The following PRKDC variants were observed in gnomAD, a reference collection of about 807,000 sequenced individuals.
The protein encoded by PRKDC is protein kinase, DNA-activated, catalytic subunit.
In PRKDC, 82 loss-of-function variants were observed where a neutral mutation model predicts 486.9. The ratio of observed to expected loss-of-function variants is 0.17; its 90% confidence interval spans 0.14 to 0.20. The LOEUF (loss-of-function observed/expected upper bound fraction) is 0.20, where lower values mean the gene tolerates loss of function less well. PRKDC is among the 10% of genes least tolerant of loss of function. The probability of loss-of-function intolerance (pLI) is 1.00; values close to 1 mark genes in which losing one functional copy is unlikely to be tolerated. For missense variants in PRKDC, 4,504 were observed against 5,038.2 expected (o/e 0.89, Z 3.21); for synonymous variants, 1,895 against 1,837.0 (o/e 1.03, Z -0.81).
At chr8:47,807,664 C>A (rs936529801) in intron 68 of PRKDC, among the ~76,000 whole-genome samples, 1 of 149,492 alleles carries the variant, frequency 6.7e-6, no homozygotes, top group African/African-American at 2.5e-5. Context: ...GTTATCTGGC[C>A]ACCTTGGCCT....
intron 22 of PRKDC, among the ~76,000 whole-genome samples, chr8:47,916,381 G>A (rs911476327): frequency 6.6e-6 from 1 of 152,026 alleles, no homozygotes; most frequent in Non-Finnish European, 1.5e-5. Context: ...CCAGGAGGTG[G>A]AGGTTGCAGT....
chr8:47,936,728 C>T (rs556261216), intron 11 of PRKDC, among the ~76,000 whole-genome samples: 8 of 151,614 alleles, frequency 5.3e-5, no homozygotes, highest in Non-Finnish European at 8.8e-5. Flanking sequence ...GTGATTCTCC[C>T]GCTTCAGCCT....
chr8:47,777,857 C>G lies in PRKDC; in HGVS notation c.11871G>C (p.Glu3957Asp). ...GGCGAGTTAGCCGAAAAGGCATCAA[C>G]TCAGGGACTGGCAGAAACTAAACAA... ...GSATQFLPVP[E>D]LMPFRLTRQF... The change falls in exon 84 of 86, where the codon GAG (glutamate) becomes GAC (aspartate). Residue 3957 changes from glutamate (E) to aspartate (D), a missense_variant. Physicochemically the swap from Glu to Asp is conservative, Grantham distance 45. Transcript: ENST00000314191. 1 of 1,613,994 alleles carries G rather than the reference C, an allele frequency of 6.2e-7. No homozygotes were observed.
intron 40 of PRKDC, among the ~76,000 whole-genome samples, chr8:47,866,825 G>C (rs962733848): frequency 4.6e-5 from 7 of 152,124 alleles, no homozygotes; most frequent in East Asian, 1.9e-4. Flanking sequence ...CTGCATTTAG[G>C]AATCTACCCC....
At chr8:47,853,966 CCAG>C in intron 51 of PRKDC, 114 bp downstream of exon 51, 1 of 1,356,786 alleles carries the variant, frequency 7.4e-7, no homozygotes, top group Non-Finnish European at 1.0e-6. Context: ...CGTGCCTGGC[CCAG>C]AAACATTTGT....
rs2088049252 is a variant in PRKDC, at chr8:47,837,338, T to A, written c.7635A>T (p.Leu2545Phe). Reference protein sequence around the residue: ...TLDRLLALNSLYSPKIEVHFL... With the variant: ...TLDRLLALNSFYSPKIEVHFL... Reference sequence around the variant, plus strand: ...AGTGCACTTCTATCTTAGGAGAATATAAGGAATTTAGTGCCAGCAACCGGT... The same window carrying A: ...AGTGCACTTCTATCTTAGGAGAATAAAAGGAATTTAGTGCCAGCAACCGGT... The change falls in exon 57 of 86, where the codon TTA becomes TTT. Residue 2545 changes from leucine (L) to phenylalanine (F), a missense_variant. Physicochemically the swap from Leu to Phe is conservative, Grantham distance 22. Coordinates refer to ENST00000314191, the MANE Select transcript of PRKDC (RefSeq NM_006904.7). 3 of 1,613,150 alleles carry A rather than the reference T, an allele frequency of 1.9e-6. No homozygotes were observed. The highest frequency in any genetic ancestry group is 1.7e-6 in the Non-Finnish European group (2 of 1,179,108).
At chr8:47,795,156 G>T (rs1250615745) in intron 73 of PRKDC, among the ~76,000 whole-genome samples, 3 of 149,944 alleles carry the variant, frequency 2.0e-5, no homozygotes, top group Non-Finnish European at 4.4e-5. Flanking sequence ...AAAGTGCTGG[G>T]ACTATAGGCG....
Position 47,889,134 on chromosome 8 carries a change from C to G in PRKDC, c.4160G>C (p.Gly1387Ala). 1.2e-6 allele frequency: 2 copies of G among 1,614,002 alleles called. No homozygotes were observed. Among genetic ancestry groups the G allele is most frequent in the South Asian group, 1.1e-5 (1 of 91,084 alleles). The change falls in exon 33 of 86, where the codon GGA becomes GCA. Residue 1387 changes from glycine to alanine, a missense_variant. This residue lies in a region of PRKDC where 1,969 missense variants were observed against 2,068.9 expected (regional missense o/e 0.95). Coordinates refer to ENST00000314191, the MANE Select transcript of PRKDC (RefSeq NM_006904.7). ...AAGATGAGCCATAACCTGGACGTCT[C>G]CGATGTTGAAACCTATGCTTGCGGG... ...CEPASIGFNI[G>A]DVQVMAHLPD...
intron 31 of PRKDC, 129 bp downstream of exon 31, chr8:47,893,010 C>T: frequency 8.9e-7 from 1 of 1,118,352 alleles, no homozygotes; most frequent in South Asian, 3.2e-5. Flanking sequence ...AGAGAAGTGA[C>T]ATGAAAGCAC....
chr8:47,873,463 G>A (rs1318963572), intron 40 of PRKDC, among the ~76,000 whole-genome samples: 1 of 151,946 alleles, frequency 6.6e-6, no homozygotes, highest in Non-Finnish European at 1.5e-5. Flanking sequence ...AGAATTACTT[G>A]CACCTGGGAG....
At chr8:47,898,444 A>G in intron 29 of PRKDC, 26 bp downstream of exon 29, 1 of 1,514,302 alleles carries the variant, frequency 6.6e-7, no homozygotes, top group Non-Finnish European at 9.0e-7. Flanking sequence ...GTGGGAAAAG[A>G]CGGAAAAGGA....
chr8:47,929,469 C>T (rs1039372734), intron 18 of PRKDC, among the ~76,000 whole-genome samples: 2 of 152,206 alleles, frequency 1.3e-5, no homozygotes, highest in East Asian at 1.9e-4. Flanking sequence ...CTGACTGGAG[C>T]GTCGAGAATG....
At chr8:47,892,026 T>A (rs561619731) in intron 31 of PRKDC, among the ~76,000 whole-genome samples, 2 of 152,028 alleles carry the variant, frequency 1.3e-5, no homozygotes, top group African/African-American at 2.4e-5. Flanking sequence ...CCTGCCACCA[T>A]GCCTGACTAA....
rs780705193 is a variant in PRKDC, at chr8:47,782,807, A to G, written c.11176-209T>C. The G allele has an allele frequency of 3.4e-6, 2 of 591,260 alleles. No individual in the cohort carries two copies. Among genetic ancestry groups the G allele is most frequent in the East Asian group, 5.6e-5 (2 of 35,782 alleles). 36.6% of individuals were successfully genotyped at this position (591,260 alleles called of 1,614,324 possible). A position where few individuals can be genotyped will look rare whatever the true frequency, so the allele number is the denominator to read the frequency against. On this transcript the variant is annotated intron_variant, in intron 78 of 85. Coordinates refer to ENST00000314191, the MANE Select transcript of PRKDC (RefSeq NM_006904.7). This position sits in a 1 kb window ranked among gnomAD's most constrained non-coding sequence, Gnocchi z 4.9. ...AGAAATGTTGTATTCCTGATTATAA[A>G]TACTTGCTTATGAATGTGGATATCT...
At chr8:47,945,903 T>C (rs1204394391) in intron 7 of PRKDC, among the ~76,000 whole-genome samples, 1 of 151,642 alleles carries the variant, frequency 6.6e-6, no homozygotes, top group Non-Finnish European at 1.5e-5. Context: ...TTTGTATTTT[T>C]AGTAGAGATG....
At position 47,782,397 on chromosome 8, in the gene PRKDC, C is replaced by T. The variant is rs547031184; in HGVS notation, c.11377G>A (p.Val3793Ile). 103 of 1,604,196 alleles carry T rather than the reference C, an allele frequency of 6.4e-5. No individual in the cohort carries two copies. The East Asian group carries it at 1.6e-3, about 24-fold the overall frequency. Residue 3793 changes from valine (V) to isoleucine (I), a missense_variant, in exon 79 of 86, where the codon GTT becomes ATT. Val to Ile is a conservative substitution (Grantham distance 29). Coordinates refer to ENST00000314191, the MANE Select transcript of PRKDC (RefSeq NM_006904.7). This position sits in a 1 kb window ranked among gnomAD's most constrained non-coding sequence, Gnocchi z 4.9. ...QRALQLRTYS[V>I]VPMTSRLGLI... Reference sequence around the variant, plus strand: ...AGTTACCTGGAGGTCATGGGCACAACGCTATAGGTCCTCAGCTGCAGGGCC... The same window carrying T: ...AGTTACCTGGAGGTCATGGGCACAATGCTATAGGTCCTCAGCTGCAGGGCC...
intron 7 of PRKDC, among the ~76,000 whole-genome samples, chr8:47,951,223 G>C (rs769178066): frequency 2.0e-5 from 3 of 151,932 alleles, no homozygotes; most frequent in Non-Finnish European, 4.4e-5. Context: ...ACCCATCTGT[G>C]GTGGCACATG....
At chr8:47,943,177 A>G (rs1294203968) in intron 10 of PRKDC, 32 bp downstream of exon 10, 2 of 1,599,134 alleles carry the variant, frequency 1.3e-6, no homozygotes, top group Non-Finnish European at 1.7e-6. Flanking sequence ...TGTGAAAGAA[A>G]TATTGTTAAA....
intron 7 of PRKDC, among the ~76,000 whole-genome samples, chr8:47,949,525 GTGC>G (rs2090593310): frequency 1.3e-5 from 2 of 152,180 alleles, no homozygotes; most frequent in South Asian, 4.1e-4. Context: ...TGTTCACTGA[GTGC>G]TGATTTATAA....
Sources: gnomAD v4.1 joint callset for allele counts (sites outside exome capture counted in the v4.1 genomes callset) on GRCh38, gnomAD v4.1.1 for gene constraint, gnomAD v4.1.1 regional missense constraint, Gnocchi (gnomAD v3.1) non-coding constraint, MANE v1.5 for transcripts, NCBI Gene and HGNC (gene_info 2026-07-23, HGNC 2026-07-21) for gene names.